The following NRXN1 variants were observed in gnomAD, a reference collection of about 807,000 sequenced individuals.
NRXN1 encodes the protein neurexin-1.
NRXN1 carries 39 observed loss-of-function variants against 150.9 expected under a neutral mutation model. That is an observed-to-expected ratio of 0.26 (90% CI 0.20 to 0.34). The LOEUF (loss-of-function observed/expected upper bound fraction) is 0.34. Ranked by LOEUF, NRXN1 falls within the 10% of genes least tolerant of loss-of-function variation. NRXN1 has a pLI of 1.00. For synonymous variants in NRXN1, 924 were observed against 757.0 expected, an observed-to-expected ratio of 1.22 and a Z score of -3.62; for missense variants, 1,815 against 1,949.9, an observed-to-expected ratio of 0.93 and a Z score of 1.30.
At chr2:50,488,943 T>C (rs2091066150) in intron 15 of NRXN1, among the ~76,000 whole-genome samples, 1 of 152,178 alleles carries the variant, frequency 6.6e-6, no homozygotes, top group African/African-American at 2.4e-5. Context: ...CGATGAGGTC[T>C]TGTGAGCAGT....
At chr2:50,096,374 G>C (rs1030302144) in intron 18 of NRXN1, among the ~76,000 whole-genome samples, 2 of 152,150 alleles carry the variant, frequency 1.3e-5, no homozygotes, top group Non-Finnish European at 1.5e-5. Context: ...CATGTTTATA[G>C]GATAGCAAGT....
chr2:50,904,557 G>A (rs1683398729), intron 5 of NRXN1, among the ~76,000 whole-genome samples: 3 of 152,110 alleles, frequency 2.0e-5, no homozygotes, highest in Admixed American at 2.0e-4. Flanking sequence ...GTCCTTTTCT[G>A]TGCTAGAGCT....
chr2:50,312,484 T>C (rs2075263510), intron 17 of NRXN1, among the ~76,000 whole-genome samples: 1 of 151,988 alleles, frequency 6.6e-6, no homozygotes. Flanking sequence ...CATAGAACCA[T>C]GATCTAAATT....
chr2:49,989,005 T>C (rs17439837), intron 21 of NRXN1, among the ~76,000 whole-genome samples: 25,357 of 152,178 alleles, frequency 0.17, 2,721 homozygotes, highest in Middle Eastern at 0.24. Context: ...CCCAGCACAA[T>C]GTGGCAGCCA....
intron 17 of NRXN1, among the ~76,000 whole-genome samples, chr2:50,290,975 C>T (rs2072849209): frequency 6.6e-6 from 1 of 152,060 alleles, no homozygotes; most frequent in African/African-American, 2.4e-5. Context: ...GTGCAATTAC[C>T]CGTCAAATGT....
At chr2:50,048,178 A>G (rs1419948386) in intron 21 of NRXN1, among the ~76,000 whole-genome samples, 1 of 152,188 alleles carries the variant, frequency 6.6e-6, no homozygotes, top group Middle Eastern at 3.2e-3. Context: ...TCTTCTCACC[A>G]GGCACCATTA....
At chr2:50,965,552 A>G (rs1693925736) in intron 2 of NRXN1, among the ~76,000 whole-genome samples, 1 of 151,598 alleles carries the variant, frequency 6.6e-6, no homozygotes, top group African/African-American at 2.4e-5. Flanking sequence ...GTAATTTAGA[A>G]TAATTATCTA....
intron 15 of NRXN1, among the ~76,000 whole-genome samples, chr2:50,472,833 A>G (rs112591276): frequency 0.13 from 6,751 of 52,686 alleles, 298 homozygotes; most frequent in East Asian, 0.31. Context: ...GTGTGTGTAT[A>G]TATATATATA....
intron 12 of NRXN1, among the ~76,000 whole-genome samples, chr2:50,524,688 T>A (rs147302515): frequency 5.0e-4 from 76 of 152,168 alleles, no homozygotes; most frequent in African/African-American, 1.7e-3. Context: ...AAGTAGTTAC[T>A]GATATGACAA....
intron 2 of NRXN1, among the ~76,000 whole-genome samples, chr2:50,958,258 C>T (rs985390107): frequency 6.6e-6 from 1 of 152,034 alleles, no homozygotes; most frequent in Admixed American, 6.6e-5. Context: ...TGCTTTGGAG[C>T]TCAACATTAA....
In NRXN1 at chr2:50,346,856, C is replaced by T. The variant is rs2078023906; in HGVS notation, c.3365-109886G>A. The T allele has an allele frequency of 4.6e-6, 7 of 1,537,646 alleles. No homozygotes were observed. In the East Asian group the frequency reaches 1.8e-4, roughly 39 times the overall value. ...GTGAGCGGGACTATCCAAAGCAGGG[C>T]CAGGCGCCCCCCTGCGCCGCCGCCG... On this transcript the variant is annotated intron_variant, in intron 17 of 22. Coordinates refer to ENST00000401669, the MANE Select transcript of NRXN1 (RefSeq NM_001330078.2). This position sits in a 1 kb window ranked among gnomAD's most constrained non-coding sequence, Gnocchi z 5.0.
At chr2:50,560,395 C>A (rs951036739) in intron 8 of NRXN1, among the ~76,000 whole-genome samples, 15 of 151,070 alleles carry the variant, frequency 9.9e-5, no homozygotes, top group Non-Finnish European at 1.8e-4. Context: ...AGAAAATGAA[C>A]AAGCCCTGTA....
At chr2:50,151,606 T>TA (rs367744671) in intron 18 of NRXN1, among the ~76,000 whole-genome samples, 134 of 150,578 alleles carry the variant, frequency 8.9e-4, no homozygotes, top group African/African-American at 2.8e-3. Context: ...AACAAGCAAA[T>TA]AAAAAAAAAT....
At chr2:50,656,366 G>C (rs1331342575) in intron 5 of NRXN1, 5 of 776,816 alleles carry the variant, frequency 6.4e-6, no homozygotes, top group Non-Finnish European at 1.2e-5. Flanking sequence ...GTCTGTACTA[G>C]GACATTTGCT....
chr2:50,428,486 G>T (rs1010999859), intron 17 of NRXN1, among the ~76,000 whole-genome samples: 2 of 152,126 alleles, frequency 1.3e-5, no homozygotes, highest in Admixed American at 1.3e-4. Context: ...TTTAGAACTT[G>T]GTTTTTAATT....
At chr2:50,690,036 G>A (rs1032787833) in intron 5 of NRXN1, among the ~76,000 whole-genome samples, 5 of 151,990 alleles carry the variant, frequency 3.3e-5, no homozygotes, top group Non-Finnish European at 5.9e-5. Context: ...ACAGGTGCCC[G>A]CCACTATGCT....
intron 5 of NRXN1, among the ~76,000 whole-genome samples, chr2:50,711,363 T>A (rs1311706483): frequency 6.7e-6 from 1 of 149,618 alleles, no homozygotes; most frequent in Non-Finnish European, 1.5e-5. Context: ...GAGACAGAGT[T>A]TTGCTCTTGT....
Position 50,826,580 on chromosome 2 carries a change from C to G in NRXN1, c.832+95289G>C, listed in dbSNP as rs1670474915. ...TTGGAAGTGACCCTAAGTAATCCTT[C>G]AATTGTTGGGGTGATTATGTATGTT... On this transcript the variant is annotated intron_variant, in intron 5 of 22. Coordinates refer to ENST00000401669, the MANE Select transcript of NRXN1 (RefSeq NM_001330078.2). Among the ~76,000 whole-genome samples, 3 of 152,030 alleles carry G rather than the reference C, an allele frequency of 2.0e-5. No homozygotes were observed. The South Asian group carries it at 6.2e-4, about 32-fold the overall frequency.
At chr2:50,597,079 A>G (rs1172320599) in intron 8 of NRXN1, among the ~76,000 whole-genome samples, 14 of 151,970 alleles carry the variant, frequency 9.2e-5, no homozygotes, top group Admixed American at 6.6e-4. Context: ...CCTGGGCTCA[A>G]GCTATCTGCC....
Sources: allele counts gnomAD v4.1 joint callset (sites outside exome capture counted in the v4.1 genomes callset), GRCh38; gene constraint gnomAD v4.1.1; non-coding constraint Gnocchi (gnomAD v3.1); transcripts MANE v1.5; gene names NCBI Gene and HGNC (gene_info 2026-07-23, HGNC 2026-07-21).